KCNV1: variants seen among roughly 807,000 people sequenced by gnomAD.
KCNV1 encodes the protein potassium voltage-gated channel subfamily V member 1.
A neutral mutation model predicts 36.4 loss-of-function variants in KCNV1; 2 were observed. The observed-to-expected ratio is 0.05, with a 90% CI of 0.02 to 0.17. The LOEUF (loss-of-function observed/expected upper bound fraction) is 0.17, where lower values mean the gene tolerates loss of function less well. Among genes scored for constraint, KCNV1 ranks in the 10% least tolerant of loss-of-function variants. KCNV1 has a pLI of 1.00. For synonymous variants in KCNV1, 280 were observed against 261.1 expected (o/e 1.07, Z -0.70); for missense variants, 321 against 643.6 (o/e 0.50, Z 5.42).
At chr8:109,971,958 G>A (rs563333467) in intron 3 of KCNV1, among the ~76,000 whole-genome samples, 17 of 152,216 alleles carry the variant, frequency 1.1e-4, no homozygotes, top group East Asian at 1.9e-4. Context: ...GGCAGAGTGC[G>A]TTTAATTTTT....
In KCNV1 at chr8:109,974,202, T is replaced by A; in HGVS notation, c.187A>T (p.Thr63Ser). 1 of 1,587,492 alleles carries A rather than the reference T, an allele frequency of 6.3e-7. No homozygotes were observed. The highest frequency in any genetic ancestry group is 8.6e-7 in the Non-Finnish European group (1 of 1,167,382). The change falls in exon 2 of 4, where the codon ACG becomes TCG. Residue 63 changes from threonine (T) to serine (S), a missense_variant. Thr to Ser is a moderately conservative substitution (Grantham distance 58). Transcript: ENST00000524391. The surrounding 1 kb of genome is among the most constrained non-coding windows in gnomAD (Gnocchi z 6.2). Reference sequence around the variant, plus strand: ...ACCACGGCCAGCTTGCCAAGGCGCGTGTGCGGGAAGCAGGACAGCGCCTGC... The same window carrying A: ...ACCACGGCCAGCTTGCCAAGGCGCGAGTGCGGGAAGCAGGACAGCGCCTGC... Reference protein sequence around the residue: ...SQQALSCFPHTRLGKLAVVVA... With the variant: ...SQQALSCFPHSRLGKLAVVVA...
chr8:109,974,998 G>T lies in KCNV1; in HGVS notation c.-610C>A, dbSNP rs909991549. 1 of 152,892 alleles carries T rather than the reference G, an allele frequency of 6.5e-6. No homozygotes were observed. The highest frequency in any genetic ancestry group is 6.5e-5 in the Admixed American group (1 of 15,336). The allele number at this position is 152,892 out of a possible 1,614,324, so 9.5% of individuals were successfully genotyped here. A position where few individuals can be genotyped will look rare whatever the true frequency, so the allele number is the denominator to read the frequency against. On this transcript the variant is annotated 5_prime_UTR_variant, in exon 2 of 4. Coordinates refer to ENST00000524391, the MANE Select transcript of KCNV1 (RefSeq NM_014379.4). This position sits in a 1 kb window ranked among gnomAD's most constrained non-coding sequence, Gnocchi z 6.2. ...GGTAACCGGGTCCCTTCCAACTTGA[G>T]AATTTATATTCCTCCCTTTTCTTTT...
Position 109,974,557 on chromosome 8 carries a change from T to A in KCNV1, c.-169A>T, listed in dbSNP as rs1820057223. ...CCTCTCCACCCGCTGTGCGCCTTCC[T>A]CCTCCTGCCGCTAGGGAGCCGGGAG... On this transcript the variant is annotated 5_prime_UTR_variant, in exon 2 of 4. Transcript: ENST00000524391. The surrounding 1 kb of genome is among the most constrained non-coding windows in gnomAD (Gnocchi z 6.2). The A allele has an allele frequency of 1.7e-6, 1 of 597,026 alleles. No individual in the cohort carries two copies. 37.0% of individuals were successfully genotyped at this position (597,026 alleles called of 1,614,324 possible). A position where few individuals can be genotyped will look rare whatever the true frequency, so the allele number is the denominator to read the frequency against.
Position 109,968,346 on chromosome 8 carries a change from C to T in KCNV1, c.1245G>A (p.Ser415=), listed in dbSNP as rs201081474. 4.6e-4 allele frequency: 736 copies of T among 1,614,100 alleles called. 1 individual carries two copies. The highest frequency in any genetic ancestry group is 1.7e-3 in the South Asian group (155 of 91,074). Residue 415 remains serine (S), a synonymous_variant, in exon 4 of 4, where the codon TCG becomes TCA. Transcript: ENST00000524391. This position sits in a 1 kb window ranked among gnomAD's most constrained non-coding sequence, Gnocchi z 5.3. The part of the protein sequence containing the change: ...GKIVAFMCIL[S]GILVLALPIA... ...TAGGCAAGGCCAAGACAAGAATTCC[C>T]GATAATATACACATGAAGGCCACGA...
rs868571839 is a variant in KCNV1 at position 109,973,134 on chromosome 8, G to A, written c.462-347C>T. 2.6e-5 allele frequency among the ~76,000 whole-genome samples: 4 copies of A among 151,656 alleles called. No individual in the cohort carries two copies. The South Asian group carries it at 8.3e-4, about 32-fold the overall frequency. ...CTGGGATTACAGGTACGCACCACCA[G>A]CACCCCCGGGTAATTTTTGTATTTT... On this transcript the variant is annotated intron_variant, in intron 2 of 3. Coordinates refer to ENST00000524391, the MANE Select transcript of KCNV1 (RefSeq NM_014379.4).
rs1819943925 is a variant in KCNV1 at position 109,966,396 on chromosome 8, T to G, written c.*1692A>C. ...TTATCTTACTAATATTCATATCTCC[T>G]GAACCTTTTATAATATTTAGGAGAA... On this transcript the variant is annotated 3_prime_UTR_variant, in exon 4 of 4. Transcript: ENST00000524391. 3.9e-5 allele frequency: 6 copies of G among 152,186 alleles called. No homozygotes were observed. Among genetic ancestry groups the G allele is most frequent in the Admixed American group, 2.0e-4 (3 of 15,272 alleles). The allele number at this position is 152,186 out of a possible 1,614,324, so 9.4% of individuals were successfully genotyped here.
rs1309395530 is a variant in KCNV1, at chr8:109,964,832, G to A, written c.*3256C>T. On this transcript the variant is annotated 3_prime_UTR_variant, in exon 4 of 4. Transcript: ENST00000524391. ...CATAGAGGGAAACAACACACATTGG[G>A]GCCTATCAGAGGGTGCTGGGTAGGA... The A allele has an allele frequency of 6.6e-6, 1 of 152,098 alleles. No individual in the cohort carries two copies. Among genetic ancestry groups the A allele is most frequent in the African/African-American group, 2.4e-5 (1 of 41,364 alleles). 9.4% of individuals were successfully genotyped at this position (152,098 alleles called of 1,614,324 possible).
chr8:109,964,328 A>G lies in KCNV1; in HGVS notation c.*3760T>C, dbSNP rs1167318847. 6.7e-6 allele frequency: 1 copy of G among 149,444 alleles called. No homozygotes were observed. The highest frequency in any genetic ancestry group is 1.5e-5 in the Non-Finnish European group (1 of 67,968). The allele number at this position is 149,444 out of a possible 1,614,324, so 9.3% of individuals were successfully genotyped here. A position where few individuals can be genotyped will look rare whatever the true frequency, so the allele number is the denominator to read the frequency against. ...TCTCACACTAGTCAGAATGGCTATT[A>G]TTAAAAAGCAAAAAAAAAAAAGCAG... is the stretch of plus-strand genomic sequence containing the variant. On this transcript the variant is annotated 3_prime_UTR_variant, in exon 4 of 4. Coordinates refer to ENST00000524391, the MANE Select transcript of KCNV1 (RefSeq NM_014379.4).
In KCNV1 at chr8:109,972,845, G is replaced by T. The variant is rs1324431896; in HGVS notation, c.462-58C>A. Reference sequence around the variant, plus strand: ...ACTTTATTAAAATACAGAAGTATAAGATAATTAAACATGGCAGGGAGGTCA... The same window carrying T: ...ACTTTATTAAAATACAGAAGTATAATATAATTAAACATGGCAGGGAGGTCA... On this transcript the variant is annotated intron_variant, in intron 2 of 3. Transcript: ENST00000524391. This position sits in a 1 kb window ranked among gnomAD's most constrained non-coding sequence, Gnocchi z 5.2. The T allele has an allele frequency of 7.3e-7, 1 of 1,365,888 alleles. No individual in the cohort carries two copies. Among genetic ancestry groups the T allele is most frequent in the East Asian group, 2.3e-5 (1 of 43,456 alleles). The allele number at this position is 1,365,888 out of a possible 1,614,324, so 84.6% of individuals were successfully genotyped here.
rs1819971684 is a variant in KCNV1 at position 109,968,626 on chromosome 8, A to T, written c.992-27T>A. On this transcript the variant is annotated intron_variant, in intron 3 of 3. Transcript: ENST00000524391. The surrounding 1 kb of genome is among the most constrained non-coding windows in gnomAD (Gnocchi z 5.3). ...TGCAACAGAACAAATGCTGTCAGTC[A>T]TTGGCATCCCTCTTCTCTCTCTTCC... is the stretch of plus-strand genomic sequence containing the variant. 1 of 1,553,862 alleles carries T rather than the reference A, an allele frequency of 6.4e-7. No individual in the cohort carries two copies. Among genetic ancestry groups the T allele is most frequent in the Non-Finnish European group, 8.7e-7 (1 of 1,145,222 alleles).
chr8:109,964,599 G>A lies in KCNV1; in HGVS notation c.*3489C>T, dbSNP rs1587132392. ...GCAAAGACATGGAATAAACCTAAAT[G>A]CCCATCAACTGTAGACTGGATAAAG... On this transcript the variant is annotated 3_prime_UTR_variant, in exon 4 of 4. Coordinates refer to ENST00000524391, the MANE Select transcript of KCNV1 (RefSeq NM_014379.4). The A allele has an allele frequency of 6.6e-6, 1 of 152,194 alleles. No individual in the cohort carries two copies. Among genetic ancestry groups the A allele is most frequent in the South Asian group, 2.1e-4 (1 of 4,836 alleles). The allele number at this position is 152,194 out of a possible 1,614,324, so 9.4% of individuals were successfully genotyped here.
rs1249371338 is a variant in KCNV1, at chr8:109,965,835, A to G, written c.*2253T>C. 1 of 152,200 alleles carries G rather than the reference A, an allele frequency of 6.6e-6. No individual in the cohort carries two copies. The highest frequency in any genetic ancestry group is 1.5e-5 in the Non-Finnish European group (1 of 68,032). The allele number at this position is 152,200 out of a possible 1,614,324, so 9.4% of individuals were successfully genotyped here. On this transcript the variant is annotated 3_prime_UTR_variant, in exon 4 of 4. Transcript: ENST00000524391. ...ATTTCTATGCAGAGCTTGTGTAGGA[A>G]GAATGAAATCTGCAATTTGACTTTT...
chr8:109,974,214 A>T lies in KCNV1; in HGVS notation c.175T>A (p.Cys59Ser). 6.3e-7 allele frequency: 1 copy of T among 1,581,704 alleles called. No homozygotes were observed. Among genetic ancestry groups the T allele is most frequent in the East Asian group, 2.3e-5 (1 of 43,050 alleles). Residue 59 changes from cysteine (C) to serine (S), a missense_variant, in exon 2 of 4, where the codon TGC (cysteine) becomes AGC (serine). Cys to Ser is a moderately radical substitution (Grantham distance 112, BLOSUM62 -1). Coordinates refer to ENST00000524391, the MANE Select transcript of KCNV1 (RefSeq NM_014379.4). This position sits in a 1 kb window ranked among gnomAD's most constrained non-coding sequence, Gnocchi z 6.2. ...TTGCCAAGGCGCGTGTGCGGGAAGC[A>T]GGACAGCGCCTGCTGCGAGAGCACG... is the stretch of plus-strand genomic sequence containing the variant. ...RFVLSQQALSCFPHTRLGKLA... is the reference protein window; with the variant it reads ...RFVLSQQALSSFPHTRLGKLA...
In KCNV1 at chr8:109,966,421, A is replaced by G. The variant is rs373765894; in HGVS notation, c.*1667T>C. 33 of 152,328 alleles carry G rather than the reference A, an allele frequency of 2.2e-4. No individual in the cohort carries two copies. The highest frequency in any genetic ancestry group is 2.1e-3 in the South Asian group (10 of 4,830). 9.4% of individuals were successfully genotyped at this position (152,328 alleles called of 1,614,324 possible). A position where few individuals can be genotyped will look rare whatever the true frequency, so the allele number is the denominator to read the frequency against. ...TGAACCTTTTATAATATTTAGGAGAAGTGGAAACAAGTTAAATGAATTAAA... is the reference window on the plus strand; with the variant it reads ...TGAACCTTTTATAATATTTAGGAGAGGTGGAAACAAGTTAAATGAATTAAA... On this transcript the variant is annotated 3_prime_UTR_variant, in exon 4 of 4. Coordinates refer to ENST00000524391, the MANE Select transcript of KCNV1 (RefSeq NM_014379.4).
intron 1 of KCNV1, among the ~76,000 whole-genome samples, 161 bp from the exon 2 acceptor site, chr8:109,975,353 A>G (rs1360509142): frequency 2.0e-5 from 3 of 152,112 alleles, no homozygotes; most frequent in African/African-American, 4.8e-5. Context: ...TTCTGTCCCT[A>G]CAAGTTTCCC....
Position 109,968,899 on chromosome 8 carries a change from C to T in KCNV1, c.992-300G>A, listed in dbSNP as rs1819975589. ...ATTAAAAAGAAGGCGAGAGGTAAGACTGAAGGCAGGCAGGGGTGGTATGAT... is the reference window on the plus strand; with the variant it reads ...ATTAAAAAGAAGGCGAGAGGTAAGATTGAAGGCAGGCAGGGGTGGTATGAT... On this transcript the variant is annotated intron_variant, in intron 3 of 3. Transcript: ENST00000524391. This position sits in a 1 kb window ranked among gnomAD's most constrained non-coding sequence, Gnocchi z 5.3. Among the ~76,000 whole-genome samples the T allele has an allele frequency of 6.6e-6, 1 of 152,146 alleles. No homozygotes were observed. The highest frequency in any genetic ancestry group is 1.5e-5 in the Non-Finnish European group (1 of 68,022).
In KCNV1 at chr8:109,967,286, A is replaced by G. The variant is rs1819954422; in HGVS notation, c.*802T>C. 6.6e-6 allele frequency: 1 copy of G among 152,208 alleles called. No individual in the cohort carries two copies. The highest frequency in any genetic ancestry group is 2.4e-5 in the African/African-American group (1 of 41,452). 9.4% of individuals were successfully genotyped at this position (152,208 alleles called of 1,614,324 possible). A position where few individuals can be genotyped will look rare whatever the true frequency, so the allele number is the denominator to read the frequency against. ...TCACTTTTACATATTCATTATTTTA[A>G]AGCCATAATGTGAACAATACATCCA... is the stretch of plus-strand genomic sequence containing the variant. On this transcript the variant is annotated 3_prime_UTR_variant, in exon 4 of 4. Transcript: ENST00000524391.
Position 109,972,160 on chromosome 8 carries a change from T to C in KCNV1, c.991+98A>G, listed in dbSNP as rs1820019244. The C allele has an allele frequency of 1.6e-6, 2 of 1,258,762 alleles. No homozygotes were observed. The highest frequency in any genetic ancestry group is 1.5e-5 in the African/African-American group (1 of 66,512). The allele number at this position is 1,258,762 out of a possible 1,614,324, so 78.0% of individuals were successfully genotyped here. On this transcript the variant is annotated intron_variant, in intron 3 of 3. Transcript: ENST00000524391. This position sits in a 1 kb window ranked among gnomAD's most constrained non-coding sequence, Gnocchi z 5.2. ...AGGTAAAGTATGGGAGTTGGTAATTTTGAATATCAGTTCAGCGTTACTTTC... is the reference window on the plus strand; with the variant it reads ...AGGTAAAGTATGGGAGTTGGTAATTCTGAATATCAGTTCAGCGTTACTTTC...
chr8:109,974,736 T>G lies in KCNV1; in HGVS notation c.-348A>C. On this transcript the variant is annotated 5_prime_UTR_variant, in exon 2 of 4. Coordinates refer to ENST00000524391, the MANE Select transcript of KCNV1 (RefSeq NM_014379.4). This position sits in a 1 kb window ranked among gnomAD's most constrained non-coding sequence, Gnocchi z 6.2. ...CCTTCCCAAACGTTGTCACCCCGCC[T>G]CCCAACTTCGCAATTGCGATTCCCA... 1 of 313,332 alleles carries G rather than the reference T, an allele frequency of 3.2e-6. No homozygotes were observed. The highest frequency in any genetic ancestry group is 5.9e-6 in the Non-Finnish European group (1 of 169,562). The allele number at this position is 313,332 out of a possible 1,614,324, so 19.4% of individuals were successfully genotyped here.
Sources: allele counts gnomAD v4.1 joint callset (sites outside exome capture counted in the v4.1 genomes callset), GRCh38; gene constraint gnomAD v4.1.1; non-coding constraint Gnocchi (gnomAD v3.1); transcripts MANE v1.5; gene names NCBI Gene and HGNC (gene_info 2026-07-23, HGNC 2026-07-21).